The following ABTB2 variants were observed in gnomAD, a reference collection of about 807,000 sequenced individuals.
ABTB2 encodes ankyrin repeat and BTB/POZ domain-containing protein 2.
Under a neutral mutation model 104.1 loss-of-function variants are expected in ABTB2, and 56 were observed. That is an observed-to-expected ratio of 0.54 (90% CI 0.43 to 0.67). The LOEUF is 0.67. Ranked by LOEUF, ABTB2 falls within the 30% of genes least tolerant of loss-of-function variation. The probability of loss-of-function intolerance (pLI) is 0.00; values close to 1 mark genes in which losing one functional copy is unlikely to be tolerated. For missense variants in ABTB2, 1,279 were observed against 1,407.7 expected, an observed-to-expected ratio of 0.91 and a Z score of 1.46; for synonymous variants, 606 against 608.2, an observed-to-expected ratio of 1.00 and a Z score of 0.05.
chr11:34,272,706 C>CAAAAA (rs35638814), intron 1 of ABTB2, among the ~76,000 whole-genome samples: 1,956 of 40,848 alleles, frequency 0.048, 310 homozygotes, highest in African/African-American at 0.18. Context: ...GACTCCGTCT[C>CAAAAA]AAAAAAAAAA....
At chr11:34,172,439 TAGATAGATAGATAG>T (rs1852894260) in intron 4 of ABTB2, among the ~76,000 whole-genome samples, 2 of 90,830 alleles carry the variant, frequency 2.2e-5, no homozygotes, top group South Asian at 3.0e-4. Flanking sequence ...TGTGTGTATA[TAGATAGATAGATAG>T]ATAGATAGAT....
chr11:34,170,910 T>G lies in ABTB2; in HGVS notation c.1559A>C (p.Asp520Ala). 6.2e-7 allele frequency: 1 copy of G among 1,613,348 alleles called. No homozygotes were observed. Among genetic ancestry groups the G allele is most frequent in the Non-Finnish European group, 8.5e-7 (1 of 1,179,660 alleles). The change falls in exon 5 of 17, where the codon GAC becomes GCC. Residue 520 changes from aspartate to alanine, a missense_variant. Transcript: ENST00000435224. ...TGTGGAGCTCTCAGGACGTACCTGG[T>G]CATCCATGGTGTTAACCCCATCCGG... ...LGPDGVNTMDDQGMTPLMYAC... is the reference protein window; with the variant it reads ...LGPDGVNTMDAQGMTPLMYAC...
Position 34,162,756 on chromosome 11 carries a change from C to T in ABTB2, c.2038G>A (p.Val680Met), listed in dbSNP as rs1287610653. 3.1e-6 allele frequency: 5 copies of T among 1,609,690 alleles called. No individual in the cohort carries two copies. The highest frequency in any genetic ancestry group is 1.1e-5 in the South Asian group (1 of 91,088). Residue 680 changes from valine to methionine, a missense_variant, in exon 10 of 17, where the codon GTG (valine) becomes ATG (methionine). Transcript: ENST00000435224. ...GCCAGGATCTCCTCCAGGGACAGCA[C>T]GTCCGCTTTAGCCTGCTGTGGCTGC... The part of the protein sequence containing the change: ...LTQPQQAKAD[V>M]LSLEEILAEG...
intron 1 of ABTB2, among the ~76,000 whole-genome samples, chr11:34,339,564 T>C (rs1278479457): frequency 6.6e-6 from 1 of 152,166 alleles, no homozygotes; most frequent in African/African-American, 2.4e-5. Flanking sequence ...GTTACACCAA[T>C]GGCAACACAA....
At chr11:34,223,739 A>G (rs938212229) in intron 1 of ABTB2, among the ~76,000 whole-genome samples, 2 of 152,218 alleles carry the variant, frequency 1.3e-5, no homozygotes, top group Non-Finnish European at 2.9e-5. Context: ...GCATGCCTCC[A>G]GTTACATCAG....
chr11:34,281,969 T>C (rs1005041068), intron 1 of ABTB2, among the ~76,000 whole-genome samples: 13 of 152,206 alleles, frequency 8.5e-5, no homozygotes, highest in African/African-American at 3.1e-4. Context: ...ATAAGTCCAT[T>C]ATATATGTCT....
In ABTB2 at chr11:34,160,249, T is replaced by C. The variant is rs752037682; in HGVS notation, c.2502A>G (p.Leu834=). Residue 834 remains leucine, a splice_region_variant and synonymous_variant, in exon 12 of 17, where the codon CTA becomes CTG. Transcript: ENST00000435224. ...PEIRKTLPAR[L]DPHFLNNKEM... is the part of the protein sequence containing the mutation. Reference sequence around the variant, plus strand: ...AGGGCGCAGGGGGCGCGCCTTCACCTAGCCTGGCCGGCAGGGTCTTCCGGA... The same window carrying C: ...AGGGCGCAGGGGGCGCGCCTTCACCCAGCCTGGCCGGCAGGGTCTTCCGGA... 1.1e-5 allele frequency: 18 copies of C among 1,612,870 alleles called. No homozygotes were observed. Among genetic ancestry groups the C allele is most frequent in the Non-Finnish European group, 1.4e-5 (17 of 1,179,086 alleles).
In ABTB2 at chr11:34,154,840, G is replaced by A. The variant is rs1312428927; in HGVS notation, c.2698-71C>T. ...ATGAAAGTCCTTGCCAGCCCCACAG[G>A]GTACTGCTCCAGCTGCCGCCTCCAG... is the stretch of plus-strand genomic sequence containing the variant. On this transcript the variant is annotated intron_variant, in intron 14 of 16. Transcript: ENST00000435224. The surrounding 1 kb of genome is among the most constrained non-coding windows in gnomAD (Gnocchi z 4.9). The A allele has an allele frequency of 3.3e-6, 5 of 1,520,502 alleles. No individual in the cohort carries two copies. The highest frequency in any genetic ancestry group is 2.3e-5 in the South Asian group (2 of 87,118). The allele number at this position is 1,520,502 out of a possible 1,614,324, so 94.2% of individuals were successfully genotyped here.
chr11:34,299,527 G>C (rs886353595), intron 1 of ABTB2, among the ~76,000 whole-genome samples: 14 of 152,226 alleles, frequency 9.2e-5, no homozygotes, highest in Admixed American at 7.2e-4. Flanking sequence ...GAGGCTGCAG[G>C]CTGCTGGAGG....
Position 34,294,879 on chromosome 11 carries a change from A to AT in ABTB2, c.883+61821dup, listed in dbSNP as rs1425747670. The stretch of plus-strand genomic sequence containing the variant: ...ACAGGTGCCCAAACCATGCCCGGCT[A>AT]TTTTTTTTTAATTTTTAGTAGAGAC... On this transcript the variant is annotated intron_variant, in intron 1 of 16. Coordinates refer to ENST00000435224, the MANE Select transcript of ABTB2 (RefSeq NM_145804.3). 3.9e-4 allele frequency among the ~76,000 whole-genome samples: 58 copies of AT among 150,314 alleles called. No individual in the cohort carries two copies. In the South Asian group the frequency reaches 5.8e-3, roughly 15 times the overall value.
intron 14 of ABTB2, among the ~76,000 whole-genome samples, chr11:34,156,083 C>T (rs1590200297): frequency 6.6e-6 from 1 of 152,214 alleles, no homozygotes; most frequent in South Asian, 2.1e-4. Flanking sequence ...GCCAGGCCTA[C>T]CAGCCACCTT....
chr11:34,283,457 C>T (rs1177808444), intron 1 of ABTB2, among the ~76,000 whole-genome samples: 1 of 152,170 alleles, frequency 6.6e-6, no homozygotes, highest in Non-Finnish European at 1.5e-5. Flanking sequence ...CTCAAGTGAT[C>T]CGCCTACCTT....
intron 2 of ABTB2, among the ~76,000 whole-genome samples, chr11:34,202,099 CAGAGG>C (rs1196309406): frequency 6.6e-6 from 1 of 152,146 alleles, no homozygotes; most frequent in Non-Finnish European, 1.5e-5. Flanking sequence ...CTCTTCTAGT[CAGAGG>C]AGAGAGATGA....
chr11:34,171,667 T>C (rs1023504149), intron 4 of ABTB2, among the ~76,000 whole-genome samples: 1 of 152,148 alleles, frequency 6.6e-6, no homozygotes, highest in African/African-American at 2.4e-5. Flanking sequence ...AAACAATCTG[T>C]TATGGGTCTG....
intron 1 of ABTB2, among the ~76,000 whole-genome samples, chr11:34,228,408 C>T (rs1211223549): frequency 6.6e-6 from 1 of 150,640 alleles, no homozygotes; most frequent in African/African-American, 2.4e-5. Context: ...CTTTGTTGCC[C>T]AGGCTGGAGT....
At chr11:34,167,434 C>G (rs7120870) in intron 6 of ABTB2, 74 bp from the exon 7 acceptor site, 1 of 1,229,446 alleles carries the variant, frequency 8.1e-7, no homozygotes, top group African/African-American at 1.5e-5. Flanking sequence ...GATGGTGAAC[C>G]AGAGTTAACA....
At chr11:34,170,870 C>T (rs778225923) in intron 5 of ABTB2, 36 bp downstream of exon 5, 7 of 1,598,904 alleles carry the variant, frequency 4.4e-6, no homozygotes, top group African/African-American at 1.3e-5. Flanking sequence ...CAACTCTGGT[C>T]CTCGTGCCTG....
chr11:34,203,290 TA>T (rs974792531), intron 2 of ABTB2, among the ~76,000 whole-genome samples: 2 of 152,348 alleles, frequency 1.3e-5, no homozygotes, highest in Admixed American at 6.5e-5. Context: ...ACAAATGAGA[TA>T]AAAAGTGAAT....
In ABTB2 at chr11:34,284,003, C is replaced by G. The variant is rs117358323; in HGVS notation, c.883+72698G>C. Among the ~76,000 whole-genome samples the G allele has an allele frequency of 8.9e-4, 135 of 152,358 alleles. 3 individuals carry two copies. The East Asian group carries it at 0.025, about 28-fold the overall frequency. ...CCTGGATTGATAATGCAGAGCATCT[C>G]AAACTGTGCCATGCACATGAATCCC... On this transcript the variant is annotated intron_variant, in intron 1 of 16. Transcript: ENST00000435224.
Sources: gnomAD v4.1 joint callset for allele counts (sites outside exome capture counted in the v4.1 genomes callset) on GRCh38, gnomAD v4.1.1 for gene constraint, Gnocchi (gnomAD v3.1) non-coding constraint, MANE v1.5 for transcripts, NCBI Gene and HGNC (gene_info 2026-07-23, HGNC 2026-07-21) for gene names.